Variants in RNLS observed in about 807,000 individuals in gnomAD.
RNLS encodes the protein renalase, FAD dependent amine oxidase, also known as renalase.
A neutral mutation model predicts 39.8 loss-of-function variants in RNLS; 39 were observed. That is an observed-to-expected ratio of 0.98 (90% CI 0.76 to 1.28). The LOEUF (loss-of-function observed/expected upper bound fraction) is 1.28, where lower values mean the gene tolerates loss of function less well. Among genes scored for constraint, RNLS ranks in the 50% most tolerant of loss-of-function variants. The pLI, the probability that RNLS is intolerant of heterozygous loss-of-function variation, is 0.00. For synonymous variants in RNLS, 147 were observed against 150.7 expected (o/e 0.98, Z 0.18); for missense variants, 410 against 413.3 (o/e 0.99, Z 0.07).
intron 4 of RNLS, among the ~76,000 whole-genome samples, chr10:88,477,776 A>G (rs1397732530): frequency 1.3e-5 from 2 of 152,218 alleles, no homozygotes; most frequent in East Asian, 3.9e-4. Context: ...AAGAAGCTTC[A>G]GAATGATAGA....
chr10:88,487,886 A>G (rs1478147038), intron 4 of RNLS, among the ~76,000 whole-genome samples: 1 of 152,234 alleles, frequency 6.6e-6, no homozygotes, highest in East Asian at 1.9e-4. Context: ...GATACTAATC[A>G]GCAATAAAAA....
rs200729431 is a variant in RNLS at position 88,378,905 on chromosome 10, G to GT, written c.527-16181dup. On this transcript the variant is annotated intron_variant, in intron 4 of 6. Coordinates refer to ENST00000331772, the MANE Select transcript of RNLS (RefSeq NM_001031709.3). Reference sequence around the variant, plus strand: ...CAAACCTTCAGAGGGTGAAGGAGAAGTTTTCCCTGGGTCCCTACAATAGTA... The same window carrying GT: ...CAAACCTTCAGAGGGTGAAGGAGAAGTTTTTCCCTGGGTCCCTACAATAGTA... Among the ~76,000 whole-genome samples, 865 of 152,250 alleles carry GT rather than the reference G, an allele frequency of 5.7e-3. 8 individuals are homozygous for GT. Among genetic ancestry groups the GT allele is most frequent in the African/African-American group, 0.02 (826 of 41,534 alleles).
chr10:88,189,095 C>T, the RNLS span, among the ~76,000 whole-genome samples: 4 of 152,136 alleles, frequency 2.6e-5, no homozygotes, highest in African/African-American at 4.8e-5. Flanking sequence ...TCTAAGCTTT[C>T]CTGGTATTGA....
At chr10:88,514,861 A>G (rs55713122) in intron 4 of RNLS, among the ~76,000 whole-genome samples, 3,255 of 152,158 alleles carry the variant, frequency 0.021, 45 homozygotes, top group Middle Eastern at 0.041. Flanking sequence ...TATCTCTCTA[A>G]GAGCCTGATT....
chr10:88,311,734 G>A (rs1005012996), intron 6 of RNLS, among the ~76,000 whole-genome samples: 1 of 152,140 alleles, frequency 6.6e-6, no homozygotes, highest in African/African-American at 2.4e-5. Context: ...CCATATTGTA[G>A]GCATTCATTA....
chr10:88,563,113 C>G (rs1849282585), intron 4 of RNLS, among the ~76,000 whole-genome samples: 1 of 152,068 alleles, frequency 6.6e-6, no homozygotes, highest in South Asian at 2.1e-4. Flanking sequence ...AGAAGATGAT[C>G]TATTATAAAG....
chr10:88,182,422 AC>A, the RNLS span, among the ~76,000 whole-genome samples: 1 of 152,132 alleles, frequency 6.6e-6, no homozygotes, highest in Non-Finnish European at 1.5e-5. Context: ...CACTGATCAT[AC>A]TTTTTGCTTC....
At chr10:88,549,280 T>TATGCTGGGC (rs11282005) in intron 4 of RNLS, among the ~76,000 whole-genome samples, 125,598 of 151,384 alleles carry the variant, frequency 0.83, 52,725 homozygotes, top group East Asian at 0.98. Flanking sequence ...AAAAATATTT[T>TATGCTGGGC]ATGGTGGCTC....
the RNLS span, among the ~76,000 whole-genome samples, chr10:88,246,369 C>G: frequency 6.6e-6 from 1 of 152,102 alleles, no homozygotes. Context: ...CTCTTCAAAG[C>G]CCTCCAGTTT....
intron 4 of RNLS, among the ~76,000 whole-genome samples, chr10:88,460,671 T>C (rs1295712766): frequency 6.6e-6 from 1 of 152,128 alleles, no homozygotes; most frequent in Non-Finnish European, 1.5e-5. Context: ...CAAATACTAG[T>C]TGAGTGAATG....
the RNLS span, among the ~76,000 whole-genome samples, chr10:88,199,453 G>T: frequency 8.5e-5 from 13 of 152,158 alleles, no homozygotes; most frequent in Non-Finnish European, 7.4e-5. Context: ...GTACCTCCCA[G>T]TTGTAACAAC....
chr10:88,340,354 T>A (rs1847838164), intron 5 of RNLS, among the ~76,000 whole-genome samples: 1 of 152,212 alleles, frequency 6.6e-6, no homozygotes, highest in Non-Finnish European at 1.5e-5. Flanking sequence ...ATAGATTTGG[T>A]TTTGTGAGAC....
At position 88,345,306 on chromosome 10, in the gene RNLS, T is replaced by C. The variant is rs1848233901; in HGVS notation, c.700+17246A>G. ...GCTCTTTGATTTGCTAACGATTTAC[T>C]TCACAGTGCTTAGTCTTCTCAGACT... On this transcript the variant is annotated intron_variant, in intron 5 of 6. Coordinates refer to ENST00000331772, the MANE Select transcript of RNLS (RefSeq NM_001031709.3). 2.0e-5 allele frequency among the ~76,000 whole-genome samples: 3 copies of C among 152,174 alleles called. No individual in the cohort carries two copies. The South Asian group carries it at 6.2e-4, about 31-fold the overall frequency.
At chr10:88,382,403 T>C (rs1362472134) in intron 4 of RNLS, among the ~76,000 whole-genome samples, 5 of 152,062 alleles carry the variant, frequency 3.3e-5, no homozygotes, top group Admixed American at 3.3e-4. Flanking sequence ...TAACCAATAG[T>C]CATAGAAATA....
At chr10:88,575,996 G>C (rs1474974627) in intron 3 of RNLS, among the ~76,000 whole-genome samples, 2 of 152,046 alleles carry the variant, frequency 1.3e-5, no homozygotes, top group Non-Finnish European at 2.9e-5. Context: ...CCACTGCATT[G>C]AACTCTCATC....
At chr10:88,461,056 G>A (rs1842909510) in intron 4 of RNLS, among the ~76,000 whole-genome samples, 1 of 152,136 alleles carries the variant, frequency 6.6e-6, no homozygotes, top group African/African-American at 2.4e-5. Context: ...CTTCTATGGT[G>A]CAGAGAAACT....
At chr10:88,408,263 T>C (rs1029225668) in intron 4 of RNLS, among the ~76,000 whole-genome samples, 1 of 152,114 alleles carries the variant, frequency 6.6e-6, no homozygotes, top group African/African-American at 2.4e-5. Context: ...GTTTCCTCTA[T>C]AAGCATTATG....
downstream of RNLS, among the ~76,000 whole-genome samples, chr10:88,270,481 C>T (rs534118214): frequency 5.3e-5 from 8 of 152,124 alleles, no homozygotes; most frequent in East Asian, 1.9e-4. Flanking sequence ...TTCCTAAACT[C>T]GAAGTGGTGG....
At chr10:88,444,538 G>C (rs1841928100) in intron 4 of RNLS, among the ~76,000 whole-genome samples, 1 of 152,162 alleles carries the variant, frequency 6.6e-6, no homozygotes, top group Non-Finnish European at 1.5e-5. Flanking sequence ...AAAGGAGGAA[G>C]TTTGAACCCA....
Sources: allele counts gnomAD v4.1 joint callset (sites outside exome capture counted in the v4.1 genomes callset), GRCh38; gene constraint gnomAD v4.1.1; transcripts MANE v1.5; gene names NCBI Gene and HGNC (gene_info 2026-07-23, HGNC 2026-07-21).